Variants in PCDH17 observed in about 807,000 individuals in gnomAD.
PCDH17 encodes the protein protocadherin-17.
In PCDH17, 21 loss-of-function variants were observed where a neutral mutation model predicts 67.7. The observed-to-expected ratio is 0.31, with a 90% confidence interval of 0.22 to 0.45. The LOEUF is 0.45. PCDH17 is among the 20% of genes least tolerant of loss of function. The probability of loss-of-function intolerance (pLI) is 1.00; values close to 1 mark genes in which losing one functional copy is unlikely to be tolerated. For missense variants in PCDH17, 1,471 were observed against 1,564.8 expected (o/e 0.94, Z 1.01); for synonymous variants, 701 against 656.7 (o/e 1.07, Z -1.03).
chr13:57,650,722 G>C (rs1955026041), intron 1 of PCDH17, among the ~76,000 whole-genome samples: 1 of 152,014 alleles, frequency 6.6e-6, no homozygotes, highest in African/African-American at 2.4e-5. Flanking sequence ...CCAGTGTATA[G>C]TAAGAAGTCA....
chr13:57,708,745 A>G (rs1191092582), intron 3 of PCDH17, among the ~76,000 whole-genome samples: 1 of 151,968 alleles, frequency 6.6e-6, no homozygotes, highest in African/African-American at 2.4e-5. Flanking sequence ...GGGAGGGGCA[A>G]ACAACAGATG....
intron 3 of PCDH17, among the ~76,000 whole-genome samples, chr13:57,698,234 T>G (rs1251362734): frequency 6.6e-6 from 1 of 151,462 alleles, no homozygotes; most frequent in Non-Finnish European, 1.5e-5. Context: ...TAAAGATATA[T>G]ACATATAGAT....
intron 3 of PCDH17, among the ~76,000 whole-genome samples, chr13:57,701,051 A>C (rs1198116357): frequency 1.3e-5 from 2 of 152,086 alleles, no homozygotes; most frequent in Non-Finnish European, 2.9e-5. Flanking sequence ...CTTTTGAGTC[A>C]CCATTTTTTG....
chr13:57,667,197 A>G (rs1955265753), intron 3 of PCDH17, among the ~76,000 whole-genome samples: 1 of 152,170 alleles, frequency 6.6e-6, no homozygotes. Context: ...AAATTAGTAA[A>G]TTCAACACTT....
At position 57,633,071 on chromosome 13, in the gene PCDH17, T is replaced by A; in HGVS notation, c.525T>A (p.Asp175Glu). The change falls in exon 1 of 4, where the codon GAT (aspartate) becomes GAA (glutamate). Residue 175 changes from aspartate to glutamate, a missense_variant. Asp to Glu is a conservative substitution (Grantham distance 45, BLOSUM62 2). Coordinates refer to ENST00000377918, the MANE Select transcript of PCDH17 (RefSeq NM_001040429.3). This position sits in a 1 kb window ranked among gnomAD's most constrained non-coding sequence, Gnocchi z 6.2. ...GCACCTACCTGCTCACGCGCGACGA[T>A]CACGGCCTCTTTGGACTGGACGTTA... ...GLRTYLLTRD[D>E]HGLFGLDVKS... The A allele has an allele frequency of 8.7e-6, 14 of 1,613,296 alleles. No homozygotes were observed. The highest frequency in any genetic ancestry group is 1.2e-5 in the Non-Finnish European group (14 of 1,179,952).
chr13:57,664,723 A>C (rs779263541), intron 1 of PCDH17, among the ~76,000 whole-genome samples: 1 of 152,222 alleles, frequency 6.6e-6, no homozygotes, highest in Non-Finnish European at 1.5e-5. Context: ...ACTGACAGCA[A>C]TAATGGAATA....
intron 1 of PCDH17, among the ~76,000 whole-genome samples, chr13:57,653,320 G>C (rs1319147246): frequency 6.6e-6 from 1 of 151,908 alleles, no homozygotes; most frequent in Non-Finnish European, 1.5e-5. Context: ...ATTCCAGGGG[G>C]TATGACCTCG....
rs1954734921 is a variant in PCDH17, at chr13:57,632,265, C to T, written c.-282C>T. The T allele has an allele frequency of 2.0e-6, 1 of 494,530 alleles. No individual in the cohort carries two copies. 30.6% of individuals were successfully genotyped at this position (494,530 alleles called of 1,614,324 possible). A position where few individuals can be genotyped will look rare whatever the true frequency, so the allele number is the denominator to read the frequency against. On this transcript the variant is annotated 5_prime_UTR_variant, in exon 1 of 4. Coordinates refer to ENST00000377918, the MANE Select transcript of PCDH17 (RefSeq NM_001040429.3). Reference sequence around the variant, plus strand: ...GGGAGAGACGAAACCCCTGGCTCACCCCCAGCCGCAGGAAGCCACCGCCTT... The same window carrying T: ...GGGAGAGACGAAACCCCTGGCTCACTCCCAGCCGCAGGAAGCCACCGCCTT...
intron 3 of PCDH17, among the ~76,000 whole-genome samples, chr13:57,668,031 CT>C (rs1355930680): frequency 6.6e-6 from 1 of 151,456 alleles, no homozygotes; most frequent in African/African-American, 2.4e-5. Flanking sequence ...AGACCGATGA[CT>C]TTTTTCACGA....
intron 3 of PCDH17, among the ~76,000 whole-genome samples, chr13:57,702,493 C>G (rs1245779207): frequency 6.6e-6 from 1 of 152,076 alleles, no homozygotes; most frequent in Non-Finnish European, 1.5e-5. Flanking sequence ...TCTAGAACAC[C>G]TACAGTAAAA....
At position 57,633,312 on chromosome 13, in the gene PCDH17, G is replaced by A. The variant is rs143654068; in HGVS notation, c.766G>A (p.Ala256Thr). 2 of 1,613,256 alleles carry A rather than the reference G, an allele frequency of 1.2e-6. No individual in the cohort carries two copies. Among genetic ancestry groups the A allele is most frequent in the Non-Finnish European group, 1.7e-6 (2 of 1,180,008 alleles). The change falls in exon 1 of 4, where the codon GCT becomes ACT. Residue 256 changes from alanine to threonine, a missense_variant. Physicochemically the swap from Ala to Thr is moderately conservative, Grantham distance 58. Transcript: ENST00000377918. The surrounding 1 kb of genome is among the most constrained non-coding windows in gnomAD (Gnocchi z 6.2). ...PSYLVELPEN[A>T]PLGTVVIDLN... ...CTACTTGGTGGAACTGCCCGAGAAC[G>A]CTCCGCTGGGTACAGTGGTCATCGA...
In PCDH17 at chr13:57,632,251, A is replaced by G. The variant is rs1954734560; in HGVS notation, c.-296A>G. ...CCCGAAGTCCGGGCGGGAGAGACGA[A>G]ACCCCTGGCTCACCCCCAGCCGCAG... is the stretch of plus-strand genomic sequence containing the variant. On this transcript the variant is annotated 5_prime_UTR_variant, in exon 1 of 4. Transcript: ENST00000377918. 2.2e-6 allele frequency: 1 copy of G among 460,190 alleles called. No homozygotes were observed. The highest frequency in any genetic ancestry group is 3.0e-5 in the South Asian group (1 of 32,844). 28.5% of individuals were successfully genotyped at this position (460,190 alleles called of 1,614,324 possible).
chr13:57,686,648 A>G (rs1366866230), intron 3 of PCDH17, among the ~76,000 whole-genome samples: 1 of 151,942 alleles, frequency 6.6e-6, no homozygotes, highest in Non-Finnish European at 1.5e-5. Flanking sequence ...AGGAGAAACA[A>G]AGTCTGTGTA....
intron 3 of PCDH17, among the ~76,000 whole-genome samples, chr13:57,723,754 T>A (rs995360679): frequency 6.6e-6 from 1 of 152,068 alleles, no homozygotes; most frequent in Non-Finnish European, 1.5e-5. Context: ...AATTAAGGAT[T>A]TTTTTTCATA....
chr13:57,672,411 C>T (rs976553374), intron 3 of PCDH17, among the ~76,000 whole-genome samples: 1 of 152,018 alleles, frequency 6.6e-6, no homozygotes, highest in Non-Finnish European at 1.5e-5. Context: ...GTTTCACTCC[C>T]TCAACTCTCC....
chr13:57,691,288 ATATT>A (rs1424611184), intron 3 of PCDH17, among the ~76,000 whole-genome samples: 2 of 151,416 alleles, frequency 1.3e-5, no homozygotes, highest in African/African-American at 4.8e-5. Context: ...CATAGTGAAA[ATATT>A]TAGTAGGATG....
chr13:57,686,254 A>G (rs568542465), intron 3 of PCDH17, among the ~76,000 whole-genome samples: 2 of 152,116 alleles, frequency 1.3e-5, no homozygotes, highest in East Asian at 3.9e-4. Flanking sequence ...TTTTGTCTAT[A>G]AATCTAAAAC....
At chr13:57,698,325 A>C (rs1282938635) in intron 3 of PCDH17, among the ~76,000 whole-genome samples, 2 of 151,828 alleles carry the variant, frequency 1.3e-5, no homozygotes, top group Non-Finnish European at 2.9e-5. Flanking sequence ...ATGCTTAAGT[A>C]TCATTCCTAG....
intron 3 of PCDH17, among the ~76,000 whole-genome samples, chr13:57,717,755 T>C (rs539753153): frequency 6.6e-6 from 1 of 152,172 alleles, no homozygotes; most frequent in East Asian, 1.9e-4. Flanking sequence ...CTCTCTGCTA[T>C]CAAAAGCAGA....
Sources: allele counts gnomAD v4.1 joint callset (sites outside exome capture counted in the v4.1 genomes callset), GRCh38; gene constraint gnomAD v4.1.1; non-coding constraint Gnocchi (gnomAD v3.1); transcripts MANE v1.5; gene names NCBI Gene and HGNC (gene_info 2026-07-23, HGNC 2026-07-21).